GARNL3: variants seen among roughly 807,000 people sequenced by gnomAD.
GARNL3 encodes the protein GTPase-activating Rap/Ran-GAP domain-like protein 3.
In GARNL3, 63 loss-of-function variants were observed where a neutral mutation model predicts 125.0. The observed-to-expected ratio is 0.50, with a 90% CI of 0.41 to 0.62. The LOEUF (loss-of-function observed/expected upper bound fraction) is 0.62, where lower values mean the gene tolerates loss of function less well. GARNL3 is among the 20% of genes least tolerant of loss of function. The pLI, the probability that GARNL3 is intolerant of heterozygous loss-of-function variation, is 0.00. For missense variants in GARNL3, 994 were observed against 1,244.0 expected (o/e 0.80, Z 3.02); for synonymous variants, 439 against 457.5 (o/e 0.96, Z 0.52).
upstream of GARNL3, among the ~76,000 whole-genome samples, chr9:127,261,655 C>T (rs1313685701): frequency 3.3e-5 from 5 of 152,024 alleles, no homozygotes; most frequent in Admixed American, 2.0e-4. Flanking sequence ...TCAGGTGATC[C>T]GCCCCCTTCG....
intron 3 of GARNL3, 76 bp downstream of exon 3, chr9:127,311,811 C>T: frequency 2.0e-6 from 2 of 994,910 alleles, no homozygotes; most frequent in Non-Finnish European, 3.2e-6. Flanking sequence ...CTTCTGGTAT[C>T]CTATATGAGT....
Position 127,330,417 on chromosome 9 carries a change from G to A in GARNL3, c.595-1857G>A, listed in dbSNP as rs553947051. ...GAAGCAGTGATCATTTGGAGACATCGTATGAAAAATAAGTTGTTTCTGACA... is the reference window on the plus strand; with the variant it reads ...GAAGCAGTGATCATTTGGAGACATCATATGAAAAATAAGTTGTTTCTGACA... On this transcript the variant is annotated intron_variant, in intron 7 of 27. Transcript: ENST00000373387. Among the ~76,000 whole-genome samples, 29 of 152,292 alleles carry A rather than the reference G, an allele frequency of 1.9e-4. No homozygotes were observed. In the South Asian group the frequency reaches 3.1e-3, roughly 16 times the overall value.
chr9:127,330,333 A>G (rs1291009055), intron 7 of GARNL3, among the ~76,000 whole-genome samples: 1 of 152,238 alleles, frequency 6.6e-6, no homozygotes, highest in African/African-American at 2.4e-5. Flanking sequence ...ATAAAACCCT[A>G]AAGTGAATAG....
At chr9:127,288,838 C>A (rs975963804) in intron 1 of GARNL3, among the ~76,000 whole-genome samples, 3 of 152,158 alleles carry the variant, frequency 2.0e-5, no homozygotes, top group Admixed American at 6.5e-5. Context: ...CCCAAGCCTT[C>A]GACTCCTAGA....
intron 2 of GARNL3, among the ~76,000 whole-genome samples, chr9:127,306,657 G>A (rs1422810085): frequency 3.3e-5 from 5 of 151,868 alleles, no homozygotes; most frequent in African/African-American, 9.7e-5. Context: ...AACCCGGGAG[G>A]TGGAGCTTTC....
At chr9:127,359,501 A>G (rs1830869113) in intron 21 of GARNL3, among the ~76,000 whole-genome samples, 1 of 152,082 alleles carries the variant, frequency 6.6e-6, no homozygotes, top group Non-Finnish European at 1.5e-5. Flanking sequence ...AAAAAAAAAA[A>G]AGTTCTCACC....
intron 1 of GARNL3, among the ~76,000 whole-genome samples, chr9:127,286,939 G>C (rs1345672088): frequency 6.6e-6 from 1 of 152,012 alleles, no homozygotes; most frequent in Non-Finnish European, 1.5e-5. Context: ...GTGGGTGGTG[G>C]GTCTGCACCA....
upstream of GARNL3, among the ~76,000 whole-genome samples, chr9:127,262,810 G>C (rs750133245): frequency 7.2e-5 from 11 of 152,258 alleles, no homozygotes; most frequent in Non-Finnish European, 7.3e-5. Flanking sequence ...GTGCCAGGCA[G>C]TAGGCCAGAC....
intron 1 of GARNL3, among the ~76,000 whole-genome samples, chr9:127,232,937 G>A (rs1376192621): frequency 1.3e-5 from 2 of 152,204 alleles, no homozygotes; most frequent in Non-Finnish European, 2.9e-5. Flanking sequence ...ATATGACTTG[G>A]CATGGTGGCT....
intron 1 of GARNL3, among the ~76,000 whole-genome samples, chr9:127,285,741 A>T (rs2064233214): frequency 6.6e-6 from 1 of 152,198 alleles, no homozygotes; most frequent in Non-Finnish European, 1.5e-5. Flanking sequence ...CTAATTATCC[A>T]TATAAAATAA....
intron 7 of GARNL3, among the ~76,000 whole-genome samples, chr9:127,328,873 A>T (rs1829046209): frequency 6.6e-6 from 1 of 152,190 alleles, no homozygotes; most frequent in Admixed American, 6.5e-5. Flanking sequence ...AATTCCATCC[A>T]AGCAGGAATG....
intron 4 of GARNL3, among the ~76,000 whole-genome samples, chr9:127,314,370 G>A (rs1259259272): frequency 1.3e-5 from 2 of 152,120 alleles, no homozygotes; most frequent in East Asian, 3.9e-4. Flanking sequence ...GGCCATGCCC[G>A]GGAAGGGGCC....
Position 127,361,501 on chromosome 9 carries a change from C to T in GARNL3, c.2095-3799C>T, listed in dbSNP as rs1452830365. ...ATATCAGGGTCTCCAGGAGCAAGAACCCCACCAGGCCCCTGTCCCAAGGTG... is the reference window on the plus strand; with the variant it reads ...ATATCAGGGTCTCCAGGAGCAAGAATCCCACCAGGCCCCTGTCCCAAGGTG... On this transcript the variant is annotated intron_variant, in intron 21 of 27. Coordinates refer to ENST00000373387, the MANE Select transcript of GARNL3 (RefSeq NM_032293.5). 2.0e-5 allele frequency among the ~76,000 whole-genome samples: 3 copies of T among 152,216 alleles called. No homozygotes were observed. The East Asian group carries it at 5.8e-4, about 29-fold the overall frequency.
At chr9:127,365,947 T>C (rs780793201) in intron 22 of GARNL3, among the ~76,000 whole-genome samples, 1 of 152,272 alleles carries the variant, frequency 6.6e-6, no homozygotes, top group Non-Finnish European at 1.5e-5. Context: ...TTGGATTAGG[T>C]GGCAGGGTAG....
chr9:127,342,111 T>A (rs2131609732), intron 13 of GARNL3, 108 bp from the exon 14 acceptor site: 1 of 767,114 alleles, frequency 1.3e-6, no homozygotes, highest in African/African-American at 1.8e-5. Flanking sequence ...AACAAAAAAA[T>A]TCCTAGATTC....
intron 6 of GARNL3, among the ~76,000 whole-genome samples, chr9:127,324,692 G>A (rs1240882885): frequency 6.6e-6 from 1 of 152,186 alleles, no homozygotes; most frequent in Admixed American, 6.5e-5. Flanking sequence ...TCTCCGTTGT[G>A]TACCAGGTCT....
intron 1 of GARNL3, among the ~76,000 whole-genome samples, chr9:127,275,413 G>A (rs1385481199): frequency 6.6e-6 from 1 of 152,210 alleles, no homozygotes; most frequent in Non-Finnish European, 1.5e-5. Flanking sequence ...AGGCAACTTA[G>A]AACAAGTTTC....
In GARNL3 at chr9:127,384,606, A is replaced by G. The variant is rs1254055486; in HGVS notation, c.2270-421A>G. On this transcript the variant is annotated intron_variant, in intron 23 of 27. Transcript: ENST00000373387. This position sits in a 1 kb window ranked among gnomAD's most constrained non-coding sequence, Gnocchi z 4.0. Reference sequence around the variant, plus strand: ...GGAGGAGCGAGGAGCACTGAGGGACACCAGGGCTGGGCCTTGAAGAGCGAC... The same window carrying G: ...GGAGGAGCGAGGAGCACTGAGGGACGCCAGGGCTGGGCCTTGAAGAGCGAC... Among the ~76,000 whole-genome samples, 1 of 152,180 alleles carries G rather than the reference A, an allele frequency of 6.6e-6. No individual in the cohort carries two copies. Among genetic ancestry groups the G allele is most frequent in the Non-Finnish European group, 1.5e-5 (1 of 68,010 alleles).
intron 1 of GARNL3, among the ~76,000 whole-genome samples, chr9:127,237,669 G>T (rs1221558651): frequency 6.6e-6 from 1 of 152,232 alleles, no homozygotes; most frequent in Admixed American, 6.5e-5. Flanking sequence ...TGCATAGCTG[G>T]CATGCCCATG....
Sources: allele counts gnomAD v4.1 joint callset (sites outside exome capture counted in the v4.1 genomes callset), GRCh38; gene constraint gnomAD v4.1.1; non-coding constraint Gnocchi (gnomAD v3.1); transcripts MANE v1.5; gene names NCBI Gene and HGNC (gene_info 2026-07-23, HGNC 2026-07-21).